The following PIK3CD variants were observed in gnomAD, a reference collection of about 807,000 sequenced individuals.
PIK3CD encodes the protein phosphatidylinositol-4,5-bisphosphate 3-kinase catalytic subunit delta.
A neutral mutation model predicts 122.9 loss-of-function variants in PIK3CD; 20 were observed. The ratio of observed to expected loss-of-function variants is 0.16; its 90% confidence interval spans 0.11 to 0.24. The LOEUF (loss-of-function observed/expected upper bound fraction) is 0.24. Ranked by LOEUF, PIK3CD falls within the 10% of genes least tolerant of loss-of-function variation. PIK3CD has a pLI of 1.00. For synonymous variants in PIK3CD, 596 were observed against 593.4 expected (o/e 1.00, Z -0.06); for missense variants, 787 against 1,406.3 (o/e 0.56, Z 7.04).
intron 5 of PIK3CD, 45 bp downstream of exon 5, chr1:9,716,123 G>T: frequency 8.2e-6 from 12 of 1,471,790 alleles, no homozygotes; most frequent in Non-Finnish European, 1.1e-5. Context: ...CTCTGTCCAT[G>T]GGGAGCACTT....
chr1:9,718,663 T>C lies in PIK3CD; in HGVS notation c.1021-31T>C. 1 of 1,583,196 alleles carries C rather than the reference T, an allele frequency of 6.3e-7. No individual in the cohort carries two copies. The highest frequency in any genetic ancestry group is 1.7e-5 in the Admixed American group (1 of 59,924). ...AGGGGAGAGGGGCTGGGCCTCTGCCTCCTCACCCATCATCCCGGCACCTTC... is the reference window on the plus strand; with the variant it reads ...AGGGGAGAGGGGCTGGGCCTCTGCCCCCTCACCCATCATCCCGGCACCTTC... On this transcript the variant is annotated intron_variant, in intron 8 of 23. Coordinates refer to ENST00000377346, the MANE Select transcript of PIK3CD (RefSeq NM_005026.5). This position sits in a 1 kb window ranked among gnomAD's most constrained non-coding sequence, Gnocchi z 7.2.
At chr1:9,669,033 C>A (rs751870647) in intron 1 of PIK3CD, among the ~76,000 whole-genome samples, 1 of 152,146 alleles carries the variant, frequency 6.6e-6, no homozygotes, top group Admixed American at 6.6e-5. Flanking sequence ...ATCCAGATGA[C>A]CCTATATGCT....
intron 1 of PIK3CD, among the ~76,000 whole-genome samples, chr1:9,673,907 C>T (rs944814098): frequency 6.6e-6 from 1 of 152,170 alleles, no homozygotes; most frequent in African/African-American, 2.4e-5. Flanking sequence ...TATATGATTA[C>T]ACAGGTAAAC....
At chr1:9,666,189 A>G (rs1049526049) in intron 1 of PIK3CD, among the ~76,000 whole-genome samples, 1 of 145,912 alleles carries the variant, frequency 6.9e-6, no homozygotes, top group Admixed American at 7.0e-5. Flanking sequence ...CAGCCTCCCA[A>G]AGTGCTAGGA....
intron 1 of PIK3CD, among the ~76,000 whole-genome samples, chr1:9,665,510 C>T (rs1020971337): frequency 4.6e-5 from 7 of 151,556 alleles, no homozygotes; most frequent in African/African-American, 1.7e-4. Context: ...GAACAGAATT[C>T]GCTCATGCCA....
At chr1:9,661,158 C>T (rs1168166620) in intron 1 of PIK3CD, among the ~76,000 whole-genome samples, 2 of 151,932 alleles carry the variant, frequency 1.3e-5, no homozygotes, top group Middle Eastern at 3.4e-3. Context: ...TGGTCTCGAA[C>T]TCTTGACCTC....
In PIK3CD at chr1:9,710,543, G is replaced by A. The variant is rs1382575108; in HGVS notation, c.88G>A (p.Val30Ile). Residue 30 changes from valine (V) to isoleucine (I), a missense_variant, in exon 3 of 24, where the codon GTC (valine) becomes ATC (isoleucine). By Grantham distance (29) the Val-to-Ile change is conservative (BLOSUM62 3). This residue lies in a region of PIK3CD where 592 missense variants were observed against 920.6 expected (regional missense o/e 0.64). Coordinates refer to ENST00000377346, the MANE Select transcript of PIK3CD (RefSeq NM_005026.5). The surrounding 1 kb of genome is among the most constrained non-coding windows in gnomAD (Gnocchi z 4.7). ...VVVDFLLPTG[V>I]YLNFPVSRNA... is the part of the protein sequence containing the mutation. ...GGTTGACTTCCTGCTGCCCACAGGG[G>A]TCTACCTGAACTTCCCTGTGTCCCG... 6.2e-7 allele frequency: 1 copy of A among 1,613,932 alleles called. No homozygotes were observed. Among genetic ancestry groups the A allele is most frequent in the African/African-American group, 1.3e-5 (1 of 74,888 alleles).
chr1:9,716,850 C>T, intron 6 of PIK3CD, 109 bp from the exon 7 acceptor site: 1 of 1,499,784 alleles, frequency 6.7e-7, no homozygotes, highest in Non-Finnish European at 9.2e-7. Flanking sequence ...CCTCCCCTCT[C>T]CCAAGGCCTA....
At chr1:9,638,604 C>T in the PIK3CD span, among the ~76,000 whole-genome samples, 6 of 151,304 alleles carry the variant, frequency 4.0e-5, no homozygotes, top group Admixed American at 1.3e-4. Flanking sequence ...TGGTGGCGGG[C>T]GCCTGTAGTC....
In PIK3CD at chr1:9,723,853, T is replaced by C; in HGVS notation, c.2595-116T>C. 1 of 915,484 alleles carries C rather than the reference T, an allele frequency of 1.1e-6. No homozygotes were observed. Among genetic ancestry groups the C allele is most frequent in the Non-Finnish European group, 1.8e-6 (1 of 565,428 alleles). 56.7% of individuals were successfully genotyped at this position (915,484 alleles called of 1,614,324 possible). ...GTCCAGCATTGTGTCCTCCATGTTC[T>C]GTTGGTCAAAGCAAGTCACAGGGCC... On this transcript the variant is annotated intron_variant, in intron 20 of 23. Transcript: ENST00000377346. This position sits in a 1 kb window ranked among gnomAD's most constrained non-coding sequence, Gnocchi z 4.9.
chr1:9,678,261 G>A (rs1347008703), intron 1 of PIK3CD, among the ~76,000 whole-genome samples: 1 of 151,908 alleles, frequency 6.6e-6, no homozygotes, highest in Admixed American at 6.6e-5. Context: ...ACCAACCTGG[G>A]CCATATAGGG....
At chr1:9,726,612 T>A (rs1040130201) in intron 23 of PIK3CD, among the ~76,000 whole-genome samples, 4 of 152,184 alleles carry the variant, frequency 2.6e-5, no homozygotes, top group Non-Finnish European at 4.4e-5. Context: ...CCACACATGC[T>A]TGCCAGGACC....
intron 1 of PIK3CD, among the ~76,000 whole-genome samples, chr1:9,659,241 A>G (rs1038730917): frequency 2.6e-5 from 4 of 152,166 alleles, no homozygotes; most frequent in African/African-American, 9.7e-5. Flanking sequence ...ATGGGTTGAT[A>G]GGTACAGCAA....
At chr1:9,694,211 AT>A (rs547414010) in intron 2 of PIK3CD, among the ~76,000 whole-genome samples, 132 of 152,300 alleles carry the variant, frequency 8.7e-4, no homozygotes, top group Middle Eastern at 6.8e-3. Context: ...ACTGTCACAT[AT>A]TGACATTGAG....
chr1:9,702,344 G>A (rs1646665331), intron 2 of PIK3CD, among the ~76,000 whole-genome samples: 1 of 151,862 alleles, frequency 6.6e-6, no homozygotes, highest in Admixed American at 6.6e-5. Flanking sequence ...AACATTGAGT[G>A]GTTTTGGGAA....
At chr1:9,638,887 C>G in the PIK3CD span, among the ~76,000 whole-genome samples, 4 of 151,250 alleles carry the variant, frequency 2.6e-5, no homozygotes, top group Non-Finnish European at 4.4e-5. Context: ...GTGATCCTCC[C>G]GCCTCAGCCT....
rs769665023 is a variant in PIK3CD, at chr1:9,720,715, G to A, written c.1522-27G>A. 1 of 1,604,142 alleles carries A rather than the reference G, an allele frequency of 6.2e-7. No homozygotes were observed. Among genetic ancestry groups the A allele is most frequent in the Admixed American group, 1.7e-5 (1 of 59,228 alleles). ...GGCATGGAGCCGGCGTGGAACCAGA[G>A]CCCTCACTCCTGCCCACACCCCTCA... On this transcript the variant is annotated intron_variant, in intron 12 of 23. Coordinates refer to ENST00000377346, the MANE Select transcript of PIK3CD (RefSeq NM_005026.5). The surrounding 1 kb of genome is among the most constrained non-coding windows in gnomAD (Gnocchi z 9.0).
chr1:9,687,018 T>C (rs562195275), intron 1 of PIK3CD, among the ~76,000 whole-genome samples: 1 of 152,220 alleles, frequency 6.6e-6, no homozygotes. Flanking sequence ...AAAGTCACTT[T>C]TGGGGGCTTT....
Position 9,717,144 on chromosome 1 carries a change from C to T in PIK3CD, c.930+36C>T. 1 of 1,612,876 alleles carries T rather than the reference C, an allele frequency of 6.2e-7. No homozygotes were observed. The highest frequency in any genetic ancestry group is 8.5e-7 in the Non-Finnish European group (1 of 1,179,402). The stretch of plus-strand genomic sequence containing the variant: ...GCCTTCCGCCTCCCCTCTGAGCCAC[C>T]CCTTCTTTCCACCTGGCGTCCAACT... On this transcript the variant is annotated intron_variant, in intron 7 of 23. Coordinates refer to ENST00000377346, the MANE Select transcript of PIK3CD (RefSeq NM_005026.5). This position sits in a 1 kb window ranked among gnomAD's most constrained non-coding sequence, Gnocchi z 5.4.
Sources: gnomAD v4.1 joint callset for allele counts (sites outside exome capture counted in the v4.1 genomes callset) on GRCh38, gnomAD v4.1.1 for gene constraint, gnomAD v4.1.1 regional missense constraint, Gnocchi (gnomAD v3.1) non-coding constraint, MANE v1.5 for transcripts, NCBI Gene and HGNC (gene_info 2026-07-23, HGNC 2026-07-21) for gene names.